The following ARMH1 variants were observed in gnomAD, a reference collection of about 807,000 sequenced individuals.
ARMH1 encodes armadillo-like helical domain containing protein 1.
A neutral mutation model predicts 50.2 loss-of-function variants in ARMH1; 34 were observed. That is an observed-to-expected ratio of 0.68 (90% CI 0.51 to 0.90). ARMH1 has a LOEUF of 0.90. Ranked by LOEUF, ARMH1 falls within the 40% of genes least tolerant of loss-of-function variation. The pLI, the probability that ARMH1 is intolerant of heterozygous loss-of-function variation, is 0.00. For synonymous variants in ARMH1, 221 were observed against 224.2 expected, an observed-to-expected ratio of 0.99 and a Z score of 0.13; for missense variants, 538 against 553.9, an observed-to-expected ratio of 0.97 and a Z score of 0.29.
chr1:44,725,468 G>A lies in ARMH1; in HGVS notation c.*65G>A. On this transcript the variant is annotated 3_prime_UTR_variant, in exon 12 of 12. Coordinates refer to ENST00000535358, the MANE Select transcript of ARMH1 (RefSeq NM_001145636.2). ...CAGGGAAGCCTGGCAAGAGGAAGGCGCCTGGGGTCAAGCTCAGAGCCACTC... is the reference window on the plus strand; with the variant it reads ...CAGGGAAGCCTGGCAAGAGGAAGGCACCTGGGGTCAAGCTCAGAGCCACTC... 1.3e-6 allele frequency: 2 copies of A among 1,493,572 alleles called. No homozygotes were observed. Among genetic ancestry groups the A allele is most frequent in the Non-Finnish European group, 9.1e-7 (1 of 1,095,954 alleles). 92.5% of individuals were successfully genotyped at this position (1,493,572 alleles called of 1,614,324 possible).
Position 44,700,935 on chromosome 1 carries a change from T to C in ARMH1, c.455T>C (p.Ile152Thr). ...LICESYGVRS[I>T]AEFLAKSKSE... ...CTTCTTTGCTCAGGTGTACGATCCA[T>C]AGCAGAATTTTTGGCAAAGTCTAAG... The change falls in exon 5 of 12, where the codon ATA becomes ACA. Residue 152 changes from isoleucine to threonine, a missense_variant. Transcript: ENST00000535358. The C allele has an allele frequency of 2.6e-6, 4 of 1,550,790 alleles. No homozygotes were observed. The highest frequency in any genetic ancestry group is 1.2e-5 in the South Asian group (1 of 83,950).
At chr1:44,713,585 A>C (rs907822552) in intron 6 of ARMH1, among the ~76,000 whole-genome samples, 1 of 152,200 alleles carries the variant, frequency 6.6e-6, no homozygotes, top group African/African-American at 2.4e-5. Context: ...GAGCACTTCA[A>C]CTGTGACACT....
chr1:44,723,074 C>CA (rs35266270), intron 6 of ARMH1, among the ~76,000 whole-genome samples: 31,844 of 130,502 alleles, frequency 0.24, 3,922 homozygotes, highest in African/African-American at 0.35. Flanking sequence ...GGCTCTGTCT[C>CA]AAAAAAAAAA....
At position 44,681,647 on chromosome 1, in the gene ARMH1, G is replaced by A. The variant is rs1460897921; in HGVS notation, c.-23+6774G>A. On this transcript the variant is annotated intron_variant, in intron 1 of 11. Coordinates refer to ENST00000535358, the MANE Select transcript of ARMH1 (RefSeq NM_001145636.2). The surrounding 1 kb of genome is among the most constrained non-coding windows in gnomAD (Gnocchi z 4.3). ...GGCAGAGCTCTGGTAGATGGCTAGA[G>A]AAGGAGAGGAGAAGGATGGATGTGG... 6.6e-6 allele frequency among the ~76,000 whole-genome samples: 1 copy of A among 152,138 alleles called. No homozygotes were observed. The highest frequency in any genetic ancestry group is 2.4e-5 in the African/African-American group (1 of 41,436).
Position 44,724,778 on chromosome 1 carries a change from T to TC in ARMH1, c.1071dup (p.Val359GlyfsTer22). The TC allele has an allele frequency of 6.5e-7, 1 of 1,544,010 alleles. No individual in the cohort carries two copies. Among genetic ancestry groups the TC allele is most frequent in the Non-Finnish European group, 8.7e-7 (1 of 1,146,680 alleles). On this transcript the variant is annotated frameshift_variant, in exon 10 of 12. Coordinates refer to ENST00000535358, the MANE Select transcript of ARMH1 (RefSeq NM_001145636.2). LOFTEE classifies it high-confidence loss of function. The surrounding 1 kb of genome is among the most constrained non-coding windows in gnomAD (Gnocchi z 6.4). The stretch of plus-strand genomic sequence containing the variant: ...GCGGCGCAGTGCTTCGTGCAGATGT[T>TC]CCCCTTGGTGGCGGAGCACGTGCGC...
rs12136602 is a variant in ARMH1, at chr1:44,681,119, C to T, written c.-23+6246C>T. Among the ~76,000 whole-genome samples, 5 of 151,708 alleles carry T rather than the reference C, an allele frequency of 3.3e-5. No homozygotes were observed. The highest frequency in any genetic ancestry group is 2.1e-4 in the South Asian group (1 of 4,810). On this transcript the variant is annotated intron_variant, in intron 1 of 11. Transcript: ENST00000535358. This position sits in a 1 kb window ranked among gnomAD's most constrained non-coding sequence, Gnocchi z 4.3. ...ACGCCATTCTCCTGCCTCAGCCTCC[C>T]GAGTAGCTGGGACTGCAGGCGTCCA...
intron 6 of ARMH1, among the ~76,000 whole-genome samples, chr1:44,720,534 T>C (rs1183595768): frequency 2.0e-5 from 3 of 152,202 alleles, no homozygotes; most frequent in Non-Finnish European, 4.4e-5. Context: ...GATATGTTCA[T>C]TGGAGTTCAC....
chr1:44,684,653 T>C (rs1235063439), intron 1 of ARMH1: 1 of 152,170 alleles, frequency 6.6e-6, no homozygotes, highest in Non-Finnish European at 1.5e-5. Flanking sequence ...AGGTCAGAAA[T>C]GAGGTATGGA....
rs1313580728 is a variant in ARMH1, at chr1:44,701,087, C to A, written c.607C>A (p.Gln203Lys). The A allele has an allele frequency of 1.3e-6, 2 of 1,551,508 alleles. No individual in the cohort carries two copies. The highest frequency in any genetic ancestry group is 2.4e-5 in the East Asian group (1 of 40,914). ...GCCCTGCGAGTCCCCAAAAGCCCAG[C>A]AGCTGTCCCTGCAGACTCTCAGGAC... ...LLPCESPKAQ[Q>K]LSLQTLRTAQ... The change falls in exon 5 of 12, where the codon CAG becomes AAG. Residue 203 changes from glutamine to lysine, a missense_variant. Transcript: ENST00000535358.
Position 44,724,645 on chromosome 1 carries a change from C to A in ARMH1, c.1027C>A (p.Arg343=). The A allele has an allele frequency of 6.7e-7, 1 of 1,501,510 alleles. No homozygotes were observed. Among genetic ancestry groups the A allele is most frequent in the Non-Finnish European group, 8.8e-7 (1 of 1,130,052 alleles). 93.0% of individuals were successfully genotyped at this position (1,501,510 alleles called of 1,614,324 possible). ...MGNTDHSNSQ[R]LASLTLECFV... Reference sequence around the variant, plus strand: ...CAACACGGACCACAGCAACAGCCAGCGGCTGGCCAGCCTCACGCTGGAGGT... The same window carrying A: ...CAACACGGACCACAGCAACAGCCAGAGGCTGGCCAGCCTCACGCTGGAGGT... The change falls in exon 9 of 12, where the codon CGG becomes AGG. Residue 343 remains arginine, a synonymous_variant. Coordinates refer to ENST00000535358, the MANE Select transcript of ARMH1 (RefSeq NM_001145636.2). The surrounding 1 kb of genome is among the most constrained non-coding windows in gnomAD (Gnocchi z 6.4).
intron 4 of ARMH1, 128 bp downstream of exon 4, chr1:44,698,357 C>T: frequency 1.4e-6 from 1 of 719,176 alleles, no homozygotes; most frequent in Non-Finnish European, 2.1e-6. Flanking sequence ...TGCTCCTGTC[C>T]ATGTCACCAC....
At chr1:44,701,746 T>C (rs1209487635) in intron 5 of ARMH1, among the ~76,000 whole-genome samples, 1 of 151,832 alleles carries the variant, frequency 6.6e-6, no homozygotes, top group Non-Finnish European at 1.5e-5. Flanking sequence ...CTGGCCAACA[T>C]GATGAAACCC....
chr1:44,685,286 A>ACTGGGGAGGGTGAAT, intron 1 of ARMH1, among the ~76,000 whole-genome samples: 1 of 152,134 alleles, frequency 6.6e-6, no homozygotes, highest in African/African-American at 2.4e-5. Context: ...AGTAACAGCA[A>ACTGGGGAGGGTGAAT]CTGGGGAGGG....
In ARMH1 at chr1:44,704,096, T is replaced by C. The variant is rs372170670; in HGVS notation, c.647T>C (p.Ile216Thr). 275 of 1,550,046 alleles carry C rather than the reference T, an allele frequency of 1.8e-4. 1 individual carries two copies. The highest frequency in any genetic ancestry group is 3.3e-4 in the Middle Eastern group (2 of 6,008). ...TGTTGTCTGTCTGGTCAGCCAATCA[T>C]TGGGACCACACACCCCAGCATCGTG... is the stretch of plus-strand genomic sequence containing the variant. Reference protein sequence around the residue: ...LQTLRTAQPIIGTTHPSIVDC... With the variant: ...LQTLRTAQPITGTTHPSIVDC... Residue 216 changes from isoleucine to threonine, a missense_variant, in exon 6 of 12, where the codon ATT becomes ACT. Ile to Thr is a moderately conservative substitution (Grantham distance 89). Coordinates refer to ENST00000535358, the MANE Select transcript of ARMH1 (RefSeq NM_001145636.2).
At chr1:44,696,992 G>A in intron 2 of ARMH1, 110 bp from the exon 3 acceptor site, 1 of 738,394 alleles carries the variant, frequency 1.4e-6, no homozygotes. Context: ...AAGAGGCACA[G>A]TTCAGCTACT....
intron 6 of ARMH1, 34 bp downstream of exon 6, chr1:44,704,207 G>A (rs536272927): frequency 4.9e-5 from 72 of 1,471,002 alleles, no homozygotes; most frequent in East Asian, 7.4e-5. Context: ...AGGGGGCACC[G>A]AGAGCCAGAC....
chr1:44,722,482 C>T (rs1024227377), intron 6 of ARMH1, among the ~76,000 whole-genome samples: 29 of 148,206 alleles, frequency 2.0e-4, no homozygotes, highest in Admixed American at 4.0e-4. Context: ...CAGGAGTTCT[C>T]GGTCACTTTG....
chr1:44,721,379 A>G (rs981718835), intron 6 of ARMH1, among the ~76,000 whole-genome samples: 15 of 152,222 alleles, frequency 9.9e-5, no homozygotes, highest in African/African-American at 3.1e-4. Flanking sequence ...TTTTTCAAAT[A>G]TGAGACCAGT....
intron 6 of ARMH1, chr1:44,721,951 C>G (rs956951488): frequency 6.6e-6 from 1 of 152,222 alleles, no homozygotes; most frequent in Non-Finnish European, 1.5e-5. Context: ...TGGTCTCCCT[C>G]TACTTACGGT....
Sources: allele counts gnomAD v4.1 joint callset (sites outside exome capture counted in the v4.1 genomes callset), GRCh38; gene constraint gnomAD v4.1.1; non-coding constraint Gnocchi (gnomAD v3.1); transcripts MANE v1.5; gene names NCBI Gene and HGNC (gene_info 2026-07-23, HGNC 2026-07-21).